Variants in ZNF385B observed in about 807,000 individuals in gnomAD.
ZNF385B encodes the protein zinc finger protein 385B.
In ZNF385B, 23 loss-of-function variants were observed where a neutral mutation model predicts 39.2. The observed-to-expected ratio is 0.59, with a 90% confidence interval of 0.42 to 0.83. The LOEUF (loss-of-function observed/expected upper bound fraction) is 0.83, where lower values mean the gene tolerates loss of function less well. ZNF385B is among the 40% of genes least tolerant of loss of function. The probability of loss-of-function intolerance (pLI) is 0.00; values close to 1 mark genes in which losing one functional copy is unlikely to be tolerated. For synonymous variants in ZNF385B, 205 were observed against 222.6 expected, an observed-to-expected ratio of 0.92 and a Z score of 0.70; for missense variants, 552 against 598.9, an observed-to-expected ratio of 0.92 and a Z score of 0.82.
At chr2:179,718,148 T>G (rs1700451178) in intron 3 of ZNF385B, among the ~76,000 whole-genome samples, 1 of 152,044 alleles carries the variant, frequency 6.6e-6, no homozygotes, top group Non-Finnish European at 1.5e-5. Context: ...GAATATGATA[T>G]GAAGCATCAG....
Position 179,444,959 on chromosome 2 carries a change from G to A in ZNF385B, c.1159C>T (p.His387Tyr), listed in dbSNP as rs1029156951. The A allele has an allele frequency of 2.5e-6, 4 of 1,614,110 alleles. No individual in the cohort carries two copies. Among genetic ancestry groups the A allele is most frequent in the Non-Finnish European group, 3.4e-6 (4 of 1,179,964 alleles). Reference sequence around the variant, plus strand: ...GGTTTCCCTGCAACTCGATCTTTATGCCTTCGGCTAGAAATGTGCTGAAAA... The same window carrying A: ...GGTTTCCCTGCAACTCGATCTTTATACCTTCGGCTAGAAATGTGCTGAAAA... ...QLKQHISSRRHKDRVAGKPLK... is the reference protein window; with the variant it reads ...QLKQHISSRRYKDRVAGKPLK... Residue 387 changes from histidine (H) to tyrosine (Y), a missense_variant, in exon 9 of 10, where the codon CAT (histidine) becomes TAT (tyrosine). Physicochemically the swap from His to Tyr is moderately conservative, Grantham distance 83 (BLOSUM62 2). Transcript: ENST00000410066.
chr2:179,792,936 T>A (rs890676132), intron 1 of ZNF385B, among the ~76,000 whole-genome samples: 20 of 152,290 alleles, frequency 1.3e-4, no homozygotes, highest in African/African-American at 4.8e-4. Context: ...CCTGCAGTTT[T>A]AAATTAAACA....
intron 6 of ZNF385B, among the ~76,000 whole-genome samples, chr2:179,464,160 T>C (rs1338624435): frequency 6.6e-6 from 1 of 152,260 alleles, no homozygotes; most frequent in Admixed American, 6.5e-5. Context: ...TTTTGAGAAG[T>C]GTCTGTTCAT....
chr2:179,457,680 T>C (rs2050851093), intron 6 of ZNF385B, among the ~76,000 whole-genome samples: 1 of 152,206 alleles, frequency 6.6e-6, no homozygotes, highest in Admixed American at 6.5e-5. Flanking sequence ...TTGTATATTT[T>C]GTGAGCGTTT....
intron 3 of ZNF385B, among the ~76,000 whole-genome samples, chr2:179,762,096 T>C (rs60243803): frequency 0.082 from 12,470 of 152,148 alleles, 602 homozygotes; most frequent in Non-Finnish European, 0.11. Context: ...TTGCTGAAAA[T>C]GTGTGTTGGG....
intron 3 of ZNF385B, chr2:179,562,702 T>C: frequency 1.7e-6 from 1 of 577,164 alleles, no homozygotes; most frequent in Non-Finnish European, 2.2e-6. Flanking sequence ...ATGTAATTTT[T>C]CTGAGTATCC....
chr2:179,850,519 C>T (rs924240379), intron 1 of ZNF385B, among the ~76,000 whole-genome samples: 1 of 152,184 alleles, frequency 6.6e-6, no homozygotes, highest in South Asian at 2.1e-4. Flanking sequence ...GAATCTACTT[C>T]CTTGTCCACG....
intron 5 of ZNF385B, among the ~76,000 whole-genome samples, chr2:179,503,575 C>T (rs984682444): frequency 6.6e-6 from 1 of 152,192 alleles, no homozygotes; most frequent in Non-Finnish European, 1.5e-5. Context: ...AGACATTCAT[C>T]ATTTGCTCAA....
chr2:179,471,510 T>C (rs957843297), intron 6 of ZNF385B, among the ~76,000 whole-genome samples: 3 of 152,076 alleles, frequency 2.0e-5, no homozygotes, highest in African/African-American at 7.2e-5. Context: ...TACTTGAGGG[T>C]GACAAACTAT....
chr2:179,667,555 G>C (rs1173153154), intron 3 of ZNF385B, among the ~76,000 whole-genome samples: 1 of 152,162 alleles, frequency 6.6e-6, no homozygotes, highest in African/African-American at 2.4e-5. Flanking sequence ...GTGGGTCACT[G>C]ATTTCGGGGC....
chr2:179,451,317 A>C (rs1360954695), intron 6 of ZNF385B, among the ~76,000 whole-genome samples: 1 of 151,854 alleles, frequency 6.6e-6, no homozygotes, highest in Non-Finnish European at 1.5e-5. Flanking sequence ...GGTTGGAAGC[A>C]GAAACATAAG....
intron 3 of ZNF385B, among the ~76,000 whole-genome samples, chr2:179,591,800 C>G (rs1373444926): frequency 2.0e-5 from 3 of 152,124 alleles, no homozygotes; most frequent in Non-Finnish European, 4.4e-5. Flanking sequence ...CAGAACCTTT[C>G]TGTGATTTAT....
chr2:179,528,984 T>C (rs1026256164), intron 4 of ZNF385B, among the ~76,000 whole-genome samples: 1 of 152,234 alleles, frequency 6.6e-6, no homozygotes, highest in African/African-American at 2.4e-5. Context: ...AAATAAGACT[T>C]TCAGTTTATT....
chr2:179,715,313 C>T (rs1413993021), intron 3 of ZNF385B, among the ~76,000 whole-genome samples: 1 of 152,134 alleles, frequency 6.6e-6, no homozygotes, highest in African/African-American at 2.4e-5. Flanking sequence ...ACTGATAATC[C>T]CAGAGTCCAT....
intron 1 of ZNF385B, among the ~76,000 whole-genome samples, chr2:179,812,152 G>A (rs532791235): frequency 5.9e-5 from 9 of 152,184 alleles, no homozygotes; most frequent in African/African-American, 1.9e-4. Flanking sequence ...AGGTGCAGGC[G>A]GGGTTGCAGA....
intron 3 of ZNF385B, among the ~76,000 whole-genome samples, chr2:179,638,403 A>G (rs1691955572): frequency 6.6e-6 from 1 of 152,228 alleles, no homozygotes; most frequent in Admixed American, 6.5e-5. Flanking sequence ...TGGCTCAGTA[A>G]GTTTGTTCTT....
intron 3 of ZNF385B, among the ~76,000 whole-genome samples, chr2:179,729,400 A>G (rs1701236736): frequency 1.3e-5 from 2 of 152,196 alleles, no homozygotes; most frequent in Non-Finnish European, 1.5e-5. Flanking sequence ...ATGGTGTTAG[A>G]CAAACAGAAT....
chr2:179,811,005 C>T (rs1035828399), intron 1 of ZNF385B, among the ~76,000 whole-genome samples: 58 of 152,156 alleles, frequency 3.8e-4, no homozygotes, highest in African/African-American at 1.3e-3. Context: ...CATTTCTATA[C>T]ATCAATAATG....
chr2:179,445,610 G>T lies in ZNF385B; in HGVS notation c.1080C>A (p.Asn360Lys). 1 of 1,613,830 alleles carries T rather than the reference G, an allele frequency of 6.2e-7. No individual in the cohort carries two copies. Among genetic ancestry groups the T allele is most frequent in the Non-Finnish European group, 8.5e-7 (1 of 1,179,896 alleles). Residue 360 changes from asparagine to lysine, a missense_variant, in exon 8 of 10, where the codon AAC becomes AAA. By Grantham distance (94) the Asn-to-Lys change is moderately conservative. Transcript: ENST00000410066. ...QNGSKGSGLQ[N>K]KTFHCEICDV... ...CACAGATTTCACAATGAAATGTCTT[G>T]TTCTGTAGTCCTGACCCCTTACTGC...
Sources: gnomAD v4.1 joint callset for allele counts (sites outside exome capture counted in the v4.1 genomes callset) on GRCh38, gnomAD v4.1.1 for gene constraint, MANE v1.5 for transcripts, NCBI Gene and HGNC (gene_info 2026-07-23, HGNC 2026-07-21) for gene names.